ADARB2: variants seen among roughly 807,000 people sequenced by gnomAD.
ADARB2 encodes adenosine deaminase RNA specific B2 (inactive), also known as inactive double-stranded RNA-specific editase B2.
In ADARB2, 25 loss-of-function variants were observed where a neutral mutation model predicts 62.2. That is an observed-to-expected ratio of 0.40 (90% CI 0.29 to 0.56). The LOEUF is 0.56. Ranked by LOEUF, ADARB2 falls within the 20% of genes least tolerant of loss-of-function variation. The pLI, the probability that ADARB2 is intolerant of heterozygous loss-of-function variation, is 0.43. For synonymous variants in ADARB2, 572 were observed against 500.8 expected (o/e 1.14, Z -1.90); for missense variants, 1,071 against 1,077.4 (o/e 0.99, Z 0.08).
intron 1 of ADARB2, among the ~76,000 whole-genome samples, chr10:1,510,110 C>CTCTTTCTTTCTTCTTTCTT (rs1831909028): frequency 1.9e-5 from 2 of 106,252 alleles, no homozygotes; most frequent in African/African-American, 7.2e-5. Flanking sequence ...CTTTCTTTCT[C>CTCTTTCTTTCTTCTTTCTT]TCTTTCTTTC....
At chr10:1,240,770 G>A (rs1438860548) in intron 5 of ADARB2, among the ~76,000 whole-genome samples, 1 of 152,230 alleles carries the variant, frequency 6.6e-6, no homozygotes, top group Non-Finnish European at 1.5e-5. Context: ...GTAAATATTG[G>A]TCCAGTTGCC....
intron 4 of ADARB2, among the ~76,000 whole-genome samples, chr10:1,260,170 C>G (rs1831122482): frequency 6.6e-6 from 1 of 152,118 alleles, no homozygotes; most frequent in African/African-American, 2.4e-5. Context: ...TAAGAGCTAT[C>G]TATGACAAAC....
chr10:1,686,961 A>G lies in ADARB2; in HGVS notation c.100+50090T>C, dbSNP rs189850298. ...ACACGTTATTTGTATCCTATGGCCT[A>G]CTTCCCAGCTGCAGTCAGCACACTG... On this transcript the variant is annotated intron_variant, in intron 1 of 9. Coordinates refer to ENST00000381312, the MANE Select transcript of ADARB2 (RefSeq NM_018702.4). 4.0e-5 allele frequency among the ~76,000 whole-genome samples: 6 copies of G among 151,152 alleles called. No individual in the cohort carries two copies. In the East Asian group the frequency reaches 5.8e-4, roughly 15 times the overall value.
chr10:1,713,854 C>T (rs906806293), intron 1 of ADARB2, among the ~76,000 whole-genome samples: 6 of 152,112 alleles, frequency 3.9e-5, no homozygotes, highest in African/African-American at 9.7e-5. Context: ...TGGAGGACTC[C>T]GGTTACAGAC....
chr10:1,201,811 C>G (rs1836991095), intron 7 of ADARB2, among the ~76,000 whole-genome samples: 1 of 111,564 alleles, frequency 9.0e-6, no homozygotes, highest in Non-Finnish European at 2.1e-5. Flanking sequence ...GCGTGTCTGC[C>G]TGGATCTCGG....
At chr10:1,718,094 A>G (rs940067922) in intron 1 of ADARB2, among the ~76,000 whole-genome samples, 1 of 152,186 alleles carries the variant, frequency 6.6e-6, no homozygotes, top group Non-Finnish European at 1.5e-5. Context: ...GAGGAGGAGG[A>G]AACCAAGAGG....
intron 1 of ADARB2, among the ~76,000 whole-genome samples, chr10:1,717,386 C>T (rs1169980039): frequency 6.6e-6 from 1 of 151,674 alleles, no homozygotes; most frequent in Non-Finnish European, 1.5e-5. Flanking sequence ...AGGTCTGAAC[C>T]TCCCTCTGCA....
chr10:1,462,845 T>A (rs1388988030), intron 1 of ADARB2, among the ~76,000 whole-genome samples: 1 of 152,150 alleles, frequency 6.6e-6, no homozygotes, highest in African/African-American at 2.4e-5. Context: ...TGTATGTACA[T>A]GTGTGTATGC....
chr10:1,570,001 T>TC (rs1321623641), intron 1 of ADARB2, among the ~76,000 whole-genome samples: 1 of 152,212 alleles, frequency 6.6e-6, no homozygotes, highest in Non-Finnish European at 1.5e-5. Flanking sequence ...GTCTGGGAAC[T>TC]CCATTTTGAA....
chr10:1,678,870 G>T (rs1297425672), intron 1 of ADARB2, among the ~76,000 whole-genome samples: 1 of 152,012 alleles, frequency 6.6e-6, no homozygotes, highest in African/African-American at 2.4e-5. Flanking sequence ...GCCTGGGGTT[G>T]TCTTGCCCAC....
chr10:1,375,700 A>G (rs1332995632), intron 2 of ADARB2, among the ~76,000 whole-genome samples: 1 of 152,110 alleles, frequency 6.6e-6, no homozygotes, highest in South Asian at 2.1e-4. Context: ...CCTACCACCC[A>G]CCCTTGCTCC....
At chr10:1,277,754 T>C (rs530511176) in intron 3 of ADARB2, among the ~76,000 whole-genome samples, 5 of 152,206 alleles carry the variant, frequency 3.3e-5, no homozygotes, top group East Asian at 1.9e-4. Flanking sequence ...ACTCATTTTA[T>C]GAGGCCAGCA....
At chr10:1,233,291 T>C (rs539558632) in intron 6 of ADARB2, among the ~76,000 whole-genome samples, 19 of 152,184 alleles carry the variant, frequency 1.2e-4, no homozygotes, top group Non-Finnish European at 2.6e-4. Context: ...ATCCCTGGCT[T>C]GGTTGCAAAA....
At chr10:1,216,837 A>G in intron 7 of ADARB2, 114 bp downstream of exon 7, 1 of 1,356,136 alleles carries the variant, frequency 7.4e-7, no homozygotes, top group Non-Finnish European at 1.0e-6. Flanking sequence ...CAGGGCCCTG[A>G]CCGCATGTGC....
chr10:1,423,844 C>A (rs1190712450), intron 1 of ADARB2, among the ~76,000 whole-genome samples: 1 of 137,316 alleles, frequency 7.3e-6, no homozygotes, highest in African/African-American at 2.7e-5. Flanking sequence ...ACGTATGCAG[C>A]AGGACCACTA....
intron 6 of ADARB2, among the ~76,000 whole-genome samples, chr10:1,220,252 GTGGTGATGA>G (rs1255203160): frequency 1.4e-5 from 2 of 144,964 alleles, no homozygotes; most frequent in African/African-American, 5.2e-5. Context: ...AATGGTGGTG[GTGGTGATGA>G]TGGTGGTGAT....
chr10:1,367,325 A>AT (rs1486621885), intron 2 of ADARB2, among the ~76,000 whole-genome samples: 1 of 152,154 alleles, frequency 6.6e-6, no homozygotes, highest in Non-Finnish European at 1.5e-5. Flanking sequence ...TCTCATTTGA[A>AT]TTTTTTGAAT....
chr10:1,647,677 T>C (rs1256805367), intron 1 of ADARB2, among the ~76,000 whole-genome samples: 1 of 152,072 alleles, frequency 6.6e-6, no homozygotes, highest in Non-Finnish European at 1.5e-5. Context: ...TGTATGTGTG[T>C]ATACATGTGT....
At chr10:1,482,316 G>C (rs1831484861) in intron 1 of ADARB2, among the ~76,000 whole-genome samples, 1 of 152,200 alleles carries the variant, frequency 6.6e-6, no homozygotes, top group Admixed American at 6.5e-5. Context: ...ACAGCCAAAA[G>C]GTAGAAACAA....
Sources: allele counts gnomAD v4.1 joint callset (sites outside exome capture counted in the v4.1 genomes callset), GRCh38; gene constraint gnomAD v4.1.1; transcripts MANE v1.5; gene names NCBI Gene and HGNC (gene_info 2026-07-23, HGNC 2026-07-21).